The following ZNF276 variants were observed in gnomAD, a reference collection of about 807,000 sequenced individuals.
ZNF276 encodes the protein zinc finger protein 276, also known as centromere protein Z.
A neutral mutation model predicts 63.9 loss-of-function variants in ZNF276; 59 were observed. The ratio of observed to expected loss-of-function variants is 0.92; its 90% CI spans 0.75 to 1.15. The LOEUF is 1.15. Among genes scored for constraint, ZNF276 ranks in the 50% most tolerant of loss-of-function variants. ZNF276 has a pLI of 0.00. For missense variants in ZNF276, 1,084 were observed against 843.8 expected (o/e 1.28, Z -3.53); for synonymous variants, 496 against 348.4 (o/e 1.42, Z -4.72).
intron 9 of ZNF276, chr16:89,737,421 T>A (rs983563884): frequency 1.2e-5 from 3 of 246,400 alleles, no homozygotes; most frequent in Non-Finnish European, 2.4e-5. Context: ...CTTGGCAGGC[T>A]GAGGCACAAG....
At position 89,729,236 on chromosome 16, in the gene ZNF276, G is replaced by A; in HGVS notation, c.1087G>A (p.Asp363Asn). The change falls in exon 6 of 11, where the codon GAC (aspartate) becomes AAC (asparagine). Residue 363 changes from aspartate (D) to asparagine (N), a missense_variant and splice_region_variant. Physicochemically the swap from Asp to Asn is conservative, Grantham distance 23. Transcript: ENST00000443381. ...KDEFSDLSEGDVLSEDENDKK... is the reference protein window; with the variant it reads ...KDEFSDLSEGNVLSEDENDKK... The stretch of plus-strand genomic sequence containing the variant: ...TGAAGATTCTCTCTTAATTCCTAGA[G>A]ACGTCTTGAGTGAAGATGAAAATGA... 1 of 1,614,000 alleles carries A rather than the reference G, an allele frequency of 6.2e-7. No individual in the cohort carries two copies. The highest frequency in any genetic ancestry group is 8.5e-7 in the Non-Finnish European group (1 of 1,179,894).
chr16:89,733,020 G>GTGTT (rs2061723078), intron 6 of ZNF276: 7 of 295,046 alleles, frequency 2.4e-5, no homozygotes, highest in African/African-American at 7.2e-5. Context: ...GCCCTCTGCT[G>GTGTT]TGTTTGCCCT....
chr16:89,722,729 T>C lies in ZNF276; in HGVS notation c.404T>C (p.Val135Ala). The C allele has an allele frequency of 1.2e-6, 2 of 1,612,214 alleles. No individual in the cohort carries two copies. Among genetic ancestry groups the C allele is most frequent in the Non-Finnish European group, 1.7e-6 (2 of 1,180,028 alleles). ...CAGGACCCCACCTTGTCTCCGTTTG[T>C]CTGCAAGAGCTGCCACGCCCAGTTC... ...VRQDPTLSPF[V>A]CKSCHAQFYQ... The change falls in exon 2 of 11, where the codon GTC becomes GCC. Residue 135 changes from valine to alanine, a missense_variant. Coordinates refer to ENST00000443381, the MANE Select transcript of ZNF276 (RefSeq NM_001113525.2).
chr16:89,738,969 G>C lies in ZNF276; in HGVS notation c.*723G>C. 1 of 1,614,238 alleles carries C rather than the reference G, an allele frequency of 6.2e-7. No individual in the cohort carries two copies. The highest frequency in any genetic ancestry group is 8.5e-7 in the Non-Finnish European group (1 of 1,180,042). On this transcript the variant is annotated 3_prime_UTR_variant, in exon 11 of 11. Transcript: ENST00000443381. ...GAGCTTTTGTTATCAGTTCCACGGGGTTGCCCTAGAGAGAAAACAGGCAAA... is the reference window on the plus strand; with the variant it reads ...GAGCTTTTGTTATCAGTTCCACGGGCTTGCCCTAGAGAGAAAACAGGCAAA...
intron 1 of ZNF276, 129 bp downstream of exon 1, chr16:89,721,974 C>T (rs966592966): frequency 2.0e-5 from 13 of 655,282 alleles, no homozygotes; most frequent in Non-Finnish European, 1.1e-5. Context: ...GGACTCGGGG[C>T]TGCGTCGGGA....
rs376987196 is a variant in ZNF276 at position 89,734,848 on chromosome 16, C to G, written c.1474+810C>G. Among the ~76,000 whole-genome samples, 16 of 152,248 alleles carry G rather than the reference C, an allele frequency of 1.1e-4. 1 individual carries two copies. In the South Asian group the frequency reaches 2.9e-3, roughly 28 times the overall value. ...TGCACAAGTTACTTTTATAATCCAACAAGGATATGTTTTCAAAATGACAAA... is the reference window on the plus strand; with the variant it reads ...TGCACAAGTTACTTTTATAATCCAAGAAGGATATGTTTTCAAAATGACAAA... On this transcript the variant is annotated intron_variant, in intron 9 of 10. Coordinates refer to ENST00000443381, the MANE Select transcript of ZNF276 (RefSeq NM_001113525.2).
chr16:89,738,198 C>T lies in ZNF276; in HGVS notation c.1797C>T (p.Ser599=), dbSNP rs763630525. 6.2e-7 allele frequency: 1 copy of T among 1,611,414 alleles called. No homozygotes were observed. Among genetic ancestry groups the T allele is most frequent in the Non-Finnish European group, 8.5e-7 (1 of 1,179,200 alleles). ...CGGAACCACCACCTGGGCCACCGAG[C>T]CCCTCTGTGACCACAGAGGGCCAGG... ...LEAEPPPGPP[S]PSVTTEGQAV... Residue 599 remains serine (S), a synonymous_variant, in exon 11 of 11, where the codon AGC becomes AGT. Transcript: ENST00000443381.
chr16:89,729,405 A>C (rs34120897), intron 6 of ZNF276, 87 bp downstream of exon 6: 126,712 of 1,152,848 alleles, frequency 0.11, 7,696 homozygotes, highest in East Asian at 0.16. Flanking sequence ...CCCGGTGCCC[A>C]CTCAGTTCAC....
upstream of ZNF276, chr16:89,720,793 G>A (rs1292294993): frequency 1.4e-6 from 2 of 1,460,158 alleles, no homozygotes; most frequent in African/African-American, 1.5e-5. Flanking sequence ...CCAGCTCGAT[G>A]GCCCCGTTGG....
upstream of ZNF276, chr16:89,721,020 C>A: frequency 1.5e-6 from 1 of 649,304 alleles, no homozygotes. Flanking sequence ...GCGCGTACTG[C>A]GGGCCCCACG....
At position 89,740,609 on chromosome 16, in the gene ZNF276, C is replaced by G; in HGVS notation, c.*2363C>G. ...TGAGATCACACCACTGCACTCCAGC[C>G]TGGGTGACAGAGTGAGACCCCCATC... On this transcript the variant is annotated 3_prime_UTR_variant, in exon 11 of 11. Coordinates refer to ENST00000443381, the MANE Select transcript of ZNF276 (RefSeq NM_001113525.2). 2 of 597,300 alleles carry G rather than the reference C, an allele frequency of 3.3e-6. No homozygotes were observed. Among genetic ancestry groups the G allele is most frequent in the Non-Finnish European group, 6.0e-6 (2 of 335,794 alleles). The allele number at this position is 597,300 out of a possible 1,614,324, so 37.0% of individuals were successfully genotyped here.
chr16:89,736,974 G>A (rs1341112888), intron 9 of ZNF276, among the ~76,000 whole-genome samples: 1 of 152,152 alleles, frequency 6.6e-6, no homozygotes, highest in Non-Finnish European at 1.5e-5. Context: ...AGTCTGTCTT[G>A]TGAAGCGTTT....
chr16:89,721,009 C>G, upstream of ZNF276: 1 of 762,834 alleles, frequency 1.3e-6, no homozygotes, highest in Non-Finnish European at 1.8e-6. Flanking sequence ...GGGCCCCCTC[C>G]GCGCGTACTG....
At chr16:89,729,816 G>A (rs1398526498) in intron 6 of ZNF276, among the ~76,000 whole-genome samples, 1 of 152,202 alleles carries the variant, frequency 6.6e-6, no homozygotes, top group Non-Finnish European at 1.5e-5. Context: ...CCTGTTGAAT[G>A]ACTTCTGTGA....
rs141300146 is a variant in ZNF276, at chr16:89,738,217, G to A, written c.1816G>A (p.Gly606Ser). ...GPPSPSVTTE[G>S]QAVKPEPT The stretch of plus-strand genomic sequence containing the variant: ...ACCGAGCCCCTCTGTGACCACAGAG[G>A]GCCAGGCGGTGAAGCCCGAACCCAC... The change falls in exon 11 of 11, where the codon GGC becomes AGC. Residue 606 changes from glycine (G) to serine (S), a missense_variant. Gly to Ser is a moderately conservative substitution (Grantham distance 56). Coordinates refer to ENST00000443381, the MANE Select transcript of ZNF276 (RefSeq NM_001113525.2). 5.0e-6 allele frequency: 8 copies of A among 1,609,378 alleles called. No individual in the cohort carries two copies. Among genetic ancestry groups the A allele is most frequent in the South Asian group, 1.1e-5 (1 of 90,600 alleles).
At position 89,723,610 on chromosome 16, in the gene ZNF276, C is replaced by T. The variant is rs1196251927; in HGVS notation, c.907C>T (p.Pro303Ser). ...TPVGAETKTLPSTDVAQPPSD... is the reference protein window; with the variant it reads ...TPVGAETKTLSSTDVAQPPSD... ...AGTTGGGGCTGAGACCAAGACCCTG[C>T]CCAGCACGGATGTGGCCCAGCCTCC... is the stretch of plus-strand genomic sequence containing the variant. The change falls in exon 4 of 11, where the codon CCC (proline) becomes TCC (serine). Residue 303 changes from proline (P) to serine (S), a missense_variant. Coordinates refer to ENST00000443381, the MANE Select transcript of ZNF276 (RefSeq NM_001113525.2). 6.2e-7 allele frequency: 1 copy of T among 1,612,782 alleles called. No individual in the cohort carries two copies. The highest frequency in any genetic ancestry group is 1.7e-5 in the Admixed American group (1 of 60,024).
At position 89,729,226 on chromosome 16, in the gene ZNF276, A is replaced by C. The variant is rs773344265; in HGVS notation, c.1086-9A>C. 1.4e-5 allele frequency: 23 copies of C among 1,613,314 alleles called. No individual in the cohort carries two copies. Among genetic ancestry groups the C allele is most frequent in the Admixed American group, 5.0e-5 (3 of 60,006 alleles). On this transcript the variant is annotated splice_polypyrimidine_tract_variant and intron_variant, in intron 5 of 10. Coordinates refer to ENST00000443381, the MANE Select transcript of ZNF276 (RefSeq NM_001113525.2). ...AGGGCTTTGCTGAAGATTCTCTCTTAATTCCTAGAGACGTCTTGAGTGAAG... is the reference window on the plus strand; with the variant it reads ...AGGGCTTTGCTGAAGATTCTCTCTTCATTCCTAGAGACGTCTTGAGTGAAG...
Position 89,733,290 on chromosome 16 carries a change from T to G in ZNF276, c.1170-12T>G. ...TCAGAAACCATTGAATTTGGGAACC[T>G]CTTTTTTTCAGAGTCTCTGGTAAGA... is the stretch of plus-strand genomic sequence containing the variant. On this transcript the variant is annotated splice_polypyrimidine_tract_variant and intron_variant, in intron 6 of 10. Coordinates refer to ENST00000443381, the MANE Select transcript of ZNF276 (RefSeq NM_001113525.2). The G allele has an allele frequency of 6.2e-7, 1 of 1,608,528 alleles. No homozygotes were observed. The highest frequency in any genetic ancestry group is 8.5e-7 in the Non-Finnish European group (1 of 1,177,794).
In ZNF276 at chr16:89,722,534, C is replaced by T. The variant is rs146935234; in HGVS notation, c.209C>T (p.Ala70Val). 6.2e-7 allele frequency: 1 copy of T among 1,610,514 alleles called. No individual in the cohort carries two copies. The highest frequency in any genetic ancestry group is 2.2e-5 in the East Asian group (1 of 44,858). Residue 70 changes from alanine to valine, a missense_variant, in exon 2 of 11, where the codon GCA becomes GTA. Coordinates refer to ENST00000443381, the MANE Select transcript of ZNF276 (RefSeq NM_001113525.2). ...AGEDGADEAG[A>V]GRALAMGHCR... ...CACTTCCTGCCGCTCTGTGCAGGAG[C>T]AGGCCGGGCTCTCGCCATGGGTCAC...
Sources: allele counts gnomAD v4.1 joint callset (sites outside exome capture counted in the v4.1 genomes callset), GRCh38; gene constraint gnomAD v4.1.1; transcripts MANE v1.5; gene names NCBI Gene and HGNC (gene_info 2026-07-23, HGNC 2026-07-21).